Variants in CCBE1 observed in about 807,000 individuals in gnomAD.
The protein encoded by CCBE1 is collagen and calcium binding EGF domains 1.
CCBE1 carries 37 observed loss-of-function variants against 50.0 expected under a neutral mutation model. That is an observed-to-expected ratio of 0.74 (90% CI 0.57 to 0.97). The LOEUF is 0.97. Among genes scored for constraint, CCBE1 ranks in the 50% least tolerant of loss-of-function variants. CCBE1 has a pLI of 0.00. For synonymous variants in CCBE1, 234 were observed against 203.7 expected (o/e 1.15, Z -1.27); for missense variants, 538 against 523.8 (o/e 1.03, Z -0.26).
At chr18:59,455,199 G>A (rs1911133068) in intron 5 of CCBE1, 1 of 587,258 alleles carries the variant, frequency 1.7e-6, no homozygotes, top group Non-Finnish European at 3.1e-6. Context: ...AGACATGCCA[G>A]GAAGACCCTG....
At position 59,596,492 on chromosome 18, in the gene CCBE1, G is replaced by C. The variant is rs76329523; in HGVS notation, c.212+100137C>G. On this transcript the variant is annotated intron_variant, in intron 2 of 10. Transcript: ENST00000439986. ...AATATGGTATTTCAGAAGCATGCTAGGTCTAGACTGATAAGACTTTGGTCT... is the reference window on the plus strand; with the variant it reads ...AATATGGTATTTCAGAAGCATGCTACGTCTAGACTGATAAGACTTTGGTCT... Among the ~76,000 whole-genome samples the C allele has an allele frequency of 2.2e-3, 336 of 152,230 alleles. 6 individuals are homozygous for C. The East Asian group carries it at 0.032, about 14-fold the overall frequency.
chr18:59,511,215 TA>T (rs1914119257), intron 2 of CCBE1, among the ~76,000 whole-genome samples: 2 of 152,338 alleles, frequency 1.3e-5, no homozygotes, highest in South Asian at 4.1e-4. Context: ...TAACTGCCAA[TA>T]AAAACACATT....
chr18:59,631,643 T>G (rs2053849695), intron 2 of CCBE1, among the ~76,000 whole-genome samples: 2 of 152,172 alleles, frequency 1.3e-5, no homozygotes, highest in Admixed American at 6.5e-5. Context: ...AGCAGCATGG[T>G]TCAAGTCACT....
intron 2 of CCBE1, among the ~76,000 whole-genome samples, chr18:59,543,128 A>T (rs960094496): frequency 6.6e-6 from 1 of 151,672 alleles, no homozygotes; most frequent in Non-Finnish European, 1.5e-5. Context: ...CATATTTTAC[A>T]CAAAAAGTTA....
chr18:59,514,224 T>A (rs969677711), intron 2 of CCBE1, among the ~76,000 whole-genome samples: 2 of 152,100 alleles, frequency 1.3e-5, no homozygotes, highest in African/African-American at 4.8e-5. Context: ...GATACGAAAA[T>A]TGAGGCTCAA....
At chr18:59,446,867 T>C (rs1910694300) in intron 7 of CCBE1, among the ~76,000 whole-genome samples, 1 of 152,178 alleles carries the variant, frequency 6.6e-6, no homozygotes, top group Admixed American at 6.5e-5. Flanking sequence ...AATTAGGATG[T>C]CAAGAGGTCA....
chr18:59,571,740 GATTTA>G (rs1233816000), intron 2 of CCBE1, among the ~76,000 whole-genome samples: 1 of 152,100 alleles, frequency 6.6e-6, no homozygotes, highest in Admixed American at 6.5e-5. Context: ...TAATGAGGTT[GATTTA>G]ATCTCTTAAT....
intron 2 of CCBE1, among the ~76,000 whole-genome samples, chr18:59,483,808 G>A (rs1433824296): frequency 6.6e-6 from 1 of 152,134 alleles, no homozygotes; most frequent in African/African-American, 2.4e-5. Flanking sequence ...TATAAAAACA[G>A]TGGCATTTGG....
At chr18:59,567,031 G>T (rs970474895) in intron 2 of CCBE1, among the ~76,000 whole-genome samples, 1 of 152,230 alleles carries the variant, frequency 6.6e-6, no homozygotes, top group African/African-American at 2.4e-5. Context: ...TGTAAGCAAA[G>T]AGGTGAGAGG....
intron 2 of CCBE1, among the ~76,000 whole-genome samples, chr18:59,518,204 G>A (rs1279092484): frequency 6.6e-6 from 1 of 152,156 alleles, no homozygotes; most frequent in Admixed American, 6.5e-5. Flanking sequence ...AGAGAACAAA[G>A]CTGGCTGGGC....
intron 2 of CCBE1, among the ~76,000 whole-genome samples, chr18:59,544,078 T>A (rs182133230): frequency 6.6e-6 from 1 of 152,340 alleles, no homozygotes; most frequent in Non-Finnish European, 1.5e-5. Flanking sequence ...TTAAATTTTA[T>A]CTACATTCAT....
intron 2 of CCBE1, among the ~76,000 whole-genome samples, chr18:59,606,593 G>A (rs968891822): frequency 3.3e-5 from 5 of 152,052 alleles, no homozygotes; most frequent in East Asian, 3.9e-4. Context: ...GCATCTCCAC[G>A]GGGCCCCAGG....
chr18:59,518,755 C>T (rs556323509), intron 2 of CCBE1, among the ~76,000 whole-genome samples: 4 of 152,188 alleles, frequency 2.6e-5, no homozygotes, highest in Non-Finnish European at 5.9e-5. Context: ...GCCAACTGCC[C>T]ACAGCTGGCC....
chr18:59,500,240 A>G (rs1913554169), intron 2 of CCBE1, among the ~76,000 whole-genome samples: 1 of 152,190 alleles, frequency 6.6e-6, no homozygotes, highest in Non-Finnish European at 1.5e-5. Context: ...GCTTTCCCAC[A>G]CATCCTAGGA....
chr18:59,538,340 T>A (rs1433151518), intron 2 of CCBE1, among the ~76,000 whole-genome samples: 1 of 152,224 alleles, frequency 6.6e-6, no homozygotes, highest in Admixed American at 6.5e-5. Flanking sequence ...ATGTCTCTGA[T>A]AAAGTTATTT....
intron 3 of CCBE1, among the ~76,000 whole-genome samples, chr18:59,471,302 T>C (rs940567926): frequency 6.6e-6 from 1 of 152,240 alleles, no homozygotes; most frequent in Non-Finnish European, 1.5e-5. Flanking sequence ...AATAGCTGAC[T>C]TGCATTGCTT....
At chr18:59,557,682 A>G (rs1250925563) in intron 2 of CCBE1, among the ~76,000 whole-genome samples, 2 of 152,140 alleles carry the variant, frequency 1.3e-5, no homozygotes, top group Non-Finnish European at 2.9e-5. Context: ...CAAGTAACCA[A>G]TGGGGAACTT....
chr18:59,558,507 A>T (rs963422953), intron 2 of CCBE1, among the ~76,000 whole-genome samples: 2 of 152,212 alleles, frequency 1.3e-5, no homozygotes, highest in Admixed American at 1.3e-4. Context: ...GTATAACTCC[A>T]CTTGTTATCA....
intron 5 of CCBE1, among the ~76,000 whole-genome samples, chr18:59,459,698 G>C (rs918726134): frequency 2.6e-5 from 4 of 152,156 alleles, no homozygotes; most frequent in African/African-American, 9.7e-5. Flanking sequence ...AATGAACAAA[G>C]CATGTTTGTG....
Sources: gnomAD v4.1 joint callset for allele counts (sites outside exome capture counted in the v4.1 genomes callset) on GRCh38, gnomAD v4.1.1 for gene constraint, MANE v1.5 for transcripts, NCBI Gene and HGNC (gene_info 2026-07-23, HGNC 2026-07-21) for gene names.